TAS2R1: variants seen among roughly 807,000 people sequenced by gnomAD.
The protein encoded by TAS2R1 is taste 2 receptor member 1.
For missense variants in TAS2R1, 370 were observed against 353.4 expected, an observed-to-expected ratio of 1.05 and a Z score of -0.38; for synonymous variants, 141 against 134.2, an observed-to-expected ratio of 1.05 and a Z score of -0.35.
chr5:9,757,505 C>T, the TAS2R1 span, among the ~76,000 whole-genome samples: 1 of 152,150 alleles, frequency 6.6e-6, no homozygotes, highest in African/African-American at 2.4e-5. Flanking sequence ...CAGCTTTGGA[C>T]AGTCACAGCC....
At chr5:9,829,647 G>T in the TAS2R1 span, among the ~76,000 whole-genome samples, 1 of 152,188 alleles carries the variant, frequency 6.6e-6, no homozygotes, top group Non-Finnish European at 1.5e-5. Context: ...CTGCTGGAAA[G>T]GAGGAACCTG....
At chr5:9,641,994 C>A (rs1740094101) in intron 2 of TAS2R1, 1 of 152,190 alleles carries the variant, frequency 6.6e-6, no homozygotes, top group African/African-American at 2.4e-5. Context: ...TGATTAAATC[C>A]ATTCACTTGC....
Position 9,649,831 on chromosome 5 carries a change from C to A in TAS2R1, c.-81+9590G>T, listed in dbSNP as rs574254629. ...TCATGACAAACAGATGAGTTAATATCTGTCATTTGGGGGAAAAGGTTTTGA... is the reference window on the plus strand; with the variant it reads ...TCATGACAAACAGATGAGTTAATATATGTCATTTGGGGGAAAAGGTTTTGA... On this transcript the variant is annotated intron_variant, in intron 2 of 2. Transcript: ENST00000506620. Among the ~76,000 whole-genome samples, 3 of 152,244 alleles carry A rather than the reference C, an allele frequency of 2.0e-5. No individual in the cohort carries two copies. In the South Asian group the frequency reaches 6.2e-4, roughly 32 times the overall value.
At chr5:9,632,613 T>G (rs1460274462), upstream of TAS2R1, among the ~76,000 whole-genome samples, 1 of 152,220 alleles carries the variant, frequency 6.6e-6, no homozygotes, top group Non-Finnish European at 1.5e-5. Context: ...AATCCTTTGT[T>G]GTCATTTCAA....
intron 2 of TAS2R1, among the ~76,000 whole-genome samples, chr5:9,638,941 C>A (rs1478850630): frequency 6.6e-6 from 1 of 152,142 alleles, no homozygotes; most frequent in Admixed American, 6.5e-5. Flanking sequence ...AGCTCCCACA[C>A]AGTTGGTGAG....
At chr5:9,798,821 T>C in the TAS2R1 span, among the ~76,000 whole-genome samples, 1 of 152,182 alleles carries the variant, frequency 6.6e-6, no homozygotes, top group Non-Finnish European at 1.5e-5. Context: ...AAGCAATCTC[T>C]CCCGCAAACT....
chr5:9,901,428 T>C, the TAS2R1 span, among the ~76,000 whole-genome samples: 2 of 151,992 alleles, frequency 1.3e-5, no homozygotes, highest in African/African-American at 2.4e-5. Context: ...GGGGCGTTCA[T>C]TCTTCTGGAA....
At chr5:9,782,482 C>A in the TAS2R1 span, among the ~76,000 whole-genome samples, 1 of 152,156 alleles carries the variant, frequency 6.6e-6, no homozygotes, top group Non-Finnish European at 1.5e-5. Context: ...TGGGGGGGTC[C>A]CACCCACATA....
At chr5:9,668,889 T>G (rs1412354269) in intron 1 of TAS2R1, among the ~76,000 whole-genome samples, 1 of 151,936 alleles carries the variant, frequency 6.6e-6, no homozygotes, top group Non-Finnish European at 1.5e-5. Context: ...AACAACATGA[T>G]GACAGGATCA....
upstream of TAS2R1, among the ~76,000 whole-genome samples, chr5:9,716,330 C>G (rs1323169433): frequency 6.6e-6 from 1 of 152,040 alleles, no homozygotes; most frequent in African/African-American, 2.4e-5. Context: ...TGCTGAGAGT[C>G]CCTGTTTCCC....
At chr5:9,873,908 G>T in the TAS2R1 span, among the ~76,000 whole-genome samples, 1 of 135,060 alleles carries the variant, frequency 7.4e-6, no homozygotes, top group South Asian at 2.8e-4. Context: ...AGAGGACGGG[G>T]AAAAAAAGAA....
chr5:9,635,976 G>A (rs1001904347), intron 2 of TAS2R1, among the ~76,000 whole-genome samples: 26 of 151,614 alleles, frequency 1.7e-4, no homozygotes, highest in Non-Finnish European at 3.4e-4. Flanking sequence ...TTTTCTGCCA[G>A]GTTTGGGGTT....
the TAS2R1 span, among the ~76,000 whole-genome samples, chr5:9,866,377 A>G: frequency 6.6e-6 from 1 of 152,062 alleles, no homozygotes. Context: ...TACTATCTGT[A>G]TTTCTCTTGT....
chr5:9,769,471 C>T, the TAS2R1 span, among the ~76,000 whole-genome samples: 2 of 152,088 alleles, frequency 1.3e-5, no homozygotes. Flanking sequence ...TATTTATAGT[C>T]TAGTGAAGAA....
At chr5:9,898,931 C>T in the TAS2R1 span, among the ~76,000 whole-genome samples, 1 of 152,198 alleles carries the variant, frequency 6.6e-6, no homozygotes, top group African/African-American at 2.4e-5. Context: ...CTAGTGCAGA[C>T]ATTTACAGAT....
chr5:9,701,693 T>C (rs1369925744), intron 1 of TAS2R1, among the ~76,000 whole-genome samples: 2 of 152,256 alleles, frequency 1.3e-5, no homozygotes, highest in Admixed American at 1.3e-4. Flanking sequence ...AGTTATTCCT[T>C]CGTATATTGA....
chr5:9,853,958 A>C, the TAS2R1 span, among the ~76,000 whole-genome samples: 121 of 152,286 alleles, frequency 7.9e-4, no homozygotes, highest in Middle Eastern at 3.4e-3. Flanking sequence ...TTTTAATTTA[A>C]CTCACACAGT....
At chr5:9,726,947 C>T in the TAS2R1 span, among the ~76,000 whole-genome samples, 1 of 152,236 alleles carries the variant, frequency 6.6e-6, no homozygotes, top group Non-Finnish European at 1.5e-5. Flanking sequence ...TCATGTAAAT[C>T]ATGAGTGACA....
the TAS2R1 span, among the ~76,000 whole-genome samples, chr5:9,874,850 C>A: frequency 6.6e-6 from 1 of 152,146 alleles, no homozygotes; most frequent in East Asian, 1.9e-4. Flanking sequence ...CTCCCCTTTG[C>A]CTCAATCCCA....
Sources: allele counts gnomAD v4.1 joint callset (sites outside exome capture counted in the v4.1 genomes callset), GRCh38; gene constraint gnomAD v4.1.1; transcripts MANE v1.5; gene names NCBI Gene and HGNC (gene_info 2026-07-23, HGNC 2026-07-21).